MZT2A: variants seen among roughly 807,000 people sequenced by gnomAD.
MZT2A encodes the protein mitotic-spindle organizing protein 2A.
In MZT2A, 8 loss-of-function variants were observed where a neutral mutation model predicts 12.4. The ratio of observed to expected loss-of-function variants is 0.64; its 90% CI spans 0.38 to 1.16. The LOEUF (loss-of-function observed/expected upper bound fraction) is 1.16. Ranked by LOEUF, MZT2A falls within the 50% of genes most tolerant of loss-of-function variation. The pLI is 0.01. For synonymous variants in MZT2A, 88 were observed against 107.5 expected (o/e 0.82, Z 1.12); for missense variants, 181 against 223.6 (o/e 0.81, Z 1.22).
Position 131,492,391 on chromosome 2 carries a change from GA to G in MZT2A, c.-16del, listed in dbSNP as rs1432340239. ...TGCGCCGCCATCCGCGAGGCCCGCC[GA>G]AAGGTGCGCCCCGCCCCGCCGCGCC... On this transcript the variant is annotated 5_prime_UTR_variant, in exon 1 of 3. Transcript: ENST00000309451. 3 of 1,287,438 alleles carry G rather than the reference GA, an allele frequency of 2.3e-6. No homozygotes were observed. Among genetic ancestry groups the G allele is most frequent in the Non-Finnish European group, 1.9e-6 (2 of 1,026,368 alleles). 79.8% of individuals were successfully genotyped at this position (1,287,438 alleles called of 1,614,324 possible). A position where few individuals can be genotyped will look rare whatever the true frequency, so the allele number is the denominator to read the frequency against.
At chr2:131,482,518 C>T (rs1292485695), downstream of MZT2A, 1 of 1,579,450 alleles carries the variant, frequency 6.3e-7, no homozygotes, top group Non-Finnish European at 8.6e-7. Context: ...TTGATATAAG[C>T]TTCATGGACT....
Position 131,492,348 on chromosome 2 carries a change from G to C in MZT2A, c.29C>G (p.Pro10Arg), listed in dbSNP as rs1233011969. Reference sequence around the variant, plus strand: ...CAGCCCCGGGGGCGCCGCCGACCCCGGCCCAGGCCCTACGCCCTGCGCCGC... The same window carrying C: ...CAGCCCCGGGGGCGCCGCCGACCCCCGCCCAGGCCCTACGCCCTGCGCCGC... MAAQGVGPG[P>R]GSAAPPGLEA... is the part of the protein sequence containing the mutation. Residue 10 changes from proline (P) to arginine (R), a missense_variant, in exon 1 of 3, where the codon CCG (proline) becomes CGG (arginine). Around this residue, in one of 3 missense-constraint regions of MZT2A, gnomAD observed 106 missense variants for 127.2 expected, o/e 0.83. Coordinates refer to ENST00000309451, the MANE Select transcript of MZT2A (RefSeq NM_001085365.2). The C allele has an allele frequency of 3.4e-6, 5 of 1,485,264 alleles. No homozygotes were observed. Among genetic ancestry groups the C allele is most frequent in the Non-Finnish European group, 4.4e-6 (5 of 1,126,244 alleles). 92.0% of individuals were successfully genotyped at this position (1,485,264 alleles called of 1,614,324 possible).
intron 2 of MZT2A, chr2:131,486,294 G>A (rs561529653): frequency 1.2e-5 from 2 of 167,034 alleles, no homozygotes; most frequent in Admixed American, 6.5e-5. Context: ...TGTCTTCCAT[G>A]AGCAGACGGG....
At chr2:131,473,168 A>G (rs1180389179) in intron 2 of MZT2A, among the ~76,000 whole-genome samples, 3 of 151,862 alleles carry the variant, frequency 2.0e-5, no homozygotes, top group South Asian at 4.2e-4. Flanking sequence ...GTGAGAAAAT[A>G]AAACCCTGCT....
intron 2 of MZT2A, chr2:131,490,941 T>C (rs1488563078): frequency 3.2e-6 from 5 of 1,549,262 alleles, no homozygotes; most frequent in Non-Finnish European, 4.4e-6. Flanking sequence ...CGAGGGTCAG[T>C]GAAGAGGCCA....
chr2:131,491,916 C>T lies in MZT2A; in HGVS notation c.279G>A (p.Ala93=). 7 of 1,527,842 alleles carry T rather than the reference C, an allele frequency of 4.6e-6. No individual in the cohort carries two copies. The highest frequency in any genetic ancestry group is 6.2e-6 in the Non-Finnish European group (7 of 1,133,364). The allele number at this position is 1,527,842 out of a possible 1,614,324, so 94.6% of individuals were successfully genotyped here. Residue 93 remains alanine, a synonymous_variant, in exon 2 of 3, where the codon GCG becomes GCA. Coordinates refer to ENST00000309451, the MANE Select transcript of MZT2A (RefSeq NM_001085365.2). ...QRLASEPQDP[A]AVSLPTSSVP... is the part of the protein sequence containing the mutation. ...CGCTCGACGTGGGCAGAGACACGGC[C>T]GCAGGGTCCTGGGGCTCGCTCGCTA...
At chr2:131,485,928 C>G (rs58323077) in intron 2 of MZT2A, among the ~76,000 whole-genome samples, 48,731 of 150,554 alleles carry the variant, frequency 0.32, 8,545 homozygotes, top group Middle Eastern at 0.41. Flanking sequence ...GCTAATACCA[C>G]AAAATTCTCC....
At chr2:131,478,108 T>C (rs1678735710) in intron 2 of MZT2A, 26 of 1,580,976 alleles carry the variant, frequency 1.6e-5, no homozygotes, top group East Asian at 2.2e-5. Context: ...TTGCATGCCA[T>C]ATAGTTTCAA....
chr2:131,487,423 A>G (rs1186389584), intron 2 of MZT2A, among the ~76,000 whole-genome samples: 3 of 152,280 alleles, frequency 2.0e-5, no homozygotes, highest in African/African-American at 4.8e-5. Flanking sequence ...GGCTGCAGTG[A>G]GCTATGAGTG....
At chr2:131,490,216 C>T (rs544277645) in intron 2 of MZT2A, 5 of 789,936 alleles carry the variant, frequency 6.3e-6, no homozygotes, top group South Asian at 1.1e-4. Context: ...AGGAGTGAGG[C>T]GGGCAAGGGG....
intron 2 of MZT2A, among the ~76,000 whole-genome samples, chr2:131,476,819 C>T (rs1678688076): frequency 1.3e-5 from 2 of 151,234 alleles, no homozygotes; most frequent in Admixed American, 6.6e-5. Flanking sequence ...TCTGTGGTTC[C>T]AGCTACTCGG....
intron 2 of MZT2A, among the ~76,000 whole-genome samples, chr2:131,487,810 A>G (rs1679116250): frequency 6.6e-6 from 1 of 152,240 alleles, no homozygotes; most frequent in African/African-American, 2.4e-5. Context: ...TCTCTCACCC[A>G]GGCTGGAGTG....
At chr2:131,483,946 CAGT>C (rs1312213065), downstream of MZT2A, 10 of 1,263,462 alleles carry the variant, frequency 7.9e-6, no homozygotes, top group Non-Finnish European at 9.3e-6. Context: ...AAAAAAAAAA[CAGT>C]AGAGAGCATC....
upstream of MZT2A, chr2:131,493,032 C>G (rs1679414801): frequency 6.7e-7 from 1 of 1,483,286 alleles, no homozygotes. Flanking sequence ...GCGCTTTTCC[C>G]GCCCGGCCGC....
At chr2:131,480,474 C>T (rs1485149520), downstream of MZT2A, 1 of 1,588,106 alleles carries the variant, frequency 6.3e-7, no homozygotes, top group Non-Finnish European at 8.5e-7. Flanking sequence ...CAACCTAGTG[C>T]CGTACCCCCG....
chr2:131,478,768 G>C lies in MZT2A; in HGVS notation c.279-6586C>G, dbSNP rs570372083. On this transcript the variant is annotated intron_variant and NMD_transcript_variant, in intron 2 of 4. Transcript: ENST00000427024. ...CTTGACCTGCATCTTAGGCATAGAA[G>C]GTAAGTACAGAACAGTCATTTGCTT... 1.3e-4 allele frequency: 36 copies of C among 287,260 alleles called. No individual in the cohort carries two copies. The East Asian group carries it at 2.9e-3, about 24-fold the overall frequency. 17.8% of individuals were successfully genotyped at this position (287,260 alleles called of 1,614,324 possible). A position where few individuals can be genotyped will look rare whatever the true frequency, so the allele number is the denominator to read the frequency against.
chr2:131,492,490 CGGCGGG>C (rs1679377811), upstream of MZT2A: 4 of 1,131,886 alleles, frequency 3.5e-6, no homozygotes, highest in Middle Eastern at 3.7e-4. Context: ...CTGGCGGGAG[CGGCGGG>C]AGCGCGGGGA....
chr2:131,492,503 G>A (rs1312063665), upstream of MZT2A: 20 of 1,106,000 alleles, frequency 1.8e-5, no homozygotes, highest in Non-Finnish European at 2.0e-5. Flanking sequence ...CGGGAGCGCG[G>A]GGACGGGGCC....
upstream of MZT2A, chr2:131,492,987 C>T: frequency 1.3e-6 from 2 of 1,521,302 alleles, no homozygotes; most frequent in South Asian, 1.2e-5. Flanking sequence ...GCTTTGCGCA[C>T]GTACCTTTTG....
Sources: allele counts gnomAD v4.1 joint callset (sites outside exome capture counted in the v4.1 genomes callset), GRCh38; gene constraint gnomAD v4.1.1; regional missense constraint gnomAD v4.1.1; transcripts MANE v1.5; gene names NCBI Gene and HGNC (gene_info 2026-07-23, HGNC 2026-07-21).